The following ENTPD1 variants were observed in gnomAD, a reference collection of about 807,000 sequenced individuals.
The protein encoded by ENTPD1 is ectonucleoside triphosphate diphosphohydrolase 1.
In ENTPD1, 33 loss-of-function variants were observed where a neutral mutation model predicts 57.0. The observed-to-expected ratio is 0.58, with a 90% CI of 0.44 to 0.77. The LOEUF is 0.77. ENTPD1 is among the 30% of genes least tolerant of loss of function. The probability of loss-of-function intolerance (pLI) is 0.00; values close to 1 mark genes in which losing one functional copy is unlikely to be tolerated. For missense variants in ENTPD1, 501 were observed against 603.4 expected, an observed-to-expected ratio of 0.83 and a Z score of 1.78; for synonymous variants, 202 against 218.8, an observed-to-expected ratio of 0.92 and a Z score of 0.68.
the ENTPD1 span, among the ~76,000 whole-genome samples, chr10:95,702,611 A>G: frequency 6.6e-6 from 1 of 152,220 alleles, no homozygotes; most frequent in Admixed American, 6.5e-5. Flanking sequence ...ATATTTTCCC[A>G]AATAAATGAA....
In ENTPD1 at chr10:95,823,263, A is replaced by G; in HGVS notation, c.43A>G (p.Lys15Glu). 1 of 1,614,200 alleles carries G rather than the reference A, an allele frequency of 6.2e-7. No individual in the cohort carries two copies. The highest frequency in any genetic ancestry group is 8.5e-7 in the Non-Finnish European group (1 of 1,180,018). Residue 15 changes from lysine to glutamate, a missense_variant, in exon 2 of 10, where the codon AAG becomes GAG. By Grantham distance (56) the Lys-to-Glu change is moderately conservative. Coordinates refer to ENST00000371205, the MANE Select transcript of ENTPD1 (RefSeq NM_001776.6). ...KESNVKTFCS[K>E]NILAILGFSS... is the part of the protein sequence containing the mutation. Reference sequence around the variant, plus strand: ...GTCTAACGTGAAGACATTTTGCTCCAAGAATATCCTAGCCATCCTTGGCTT... The same window carrying G: ...GTCTAACGTGAAGACATTTTGCTCCGAGAATATCCTAGCCATCCTTGGCTT...
intron 4 of ENTPD1, chr10:95,843,365 T>C (rs1334857916): frequency 6.6e-6 from 1 of 152,124 alleles, no homozygotes; most frequent in Non-Finnish European, 1.5e-5. Context: ...AGAAGATAGG[T>C]AAGTAGTGTA....
chr10:95,695,237 A>T, the ENTPD1 span, among the ~76,000 whole-genome samples: 8 of 152,140 alleles, frequency 5.3e-5, no homozygotes, highest in Non-Finnish European at 5.9e-5. Flanking sequence ...AATTAATTCA[A>T]AGTTAACCAC....
At chr10:95,812,619 CA>C (rs2098312745) in intron 1 of ENTPD1, among the ~76,000 whole-genome samples, 1 of 152,188 alleles carries the variant, frequency 6.6e-6, no homozygotes, top group South Asian at 2.1e-4. Context: ...TGGGATTGCT[CA>C]ATTTTATGGT....
At chr10:95,800,800 A>C (rs965440889) in intron 1 of ENTPD1, among the ~76,000 whole-genome samples, 1 of 152,166 alleles carries the variant, frequency 6.6e-6, no homozygotes, top group African/African-American at 2.4e-5. Flanking sequence ...GTTCCCTGAA[A>C]ATAGCTGTTA....
chr10:95,793,493 G>A (rs976485358), intron 1 of ENTPD1, among the ~76,000 whole-genome samples: 7 of 152,070 alleles, frequency 4.6e-5, no homozygotes, highest in South Asian at 2.1e-4. Flanking sequence ...CTTCTCATCC[G>A]CCATTAATTA....
At chr10:95,786,184 T>A (rs969582187) in intron 1 of ENTPD1, among the ~76,000 whole-genome samples, 2 of 152,192 alleles carry the variant, frequency 1.3e-5, no homozygotes, top group Non-Finnish European at 2.9e-5. Context: ...TAGGGATGGT[T>A]TGCCCCTCCC....
intron 1 of ENTPD1, among the ~76,000 whole-genome samples, chr10:95,771,724 A>T (rs2098116468): frequency 6.6e-6 from 1 of 152,164 alleles, no homozygotes; most frequent in Non-Finnish European, 1.5e-5. Context: ...GTCCTTTTTC[A>T]TGAGAGAAGA....
Position 95,783,019 on chromosome 10 carries a change from C to T in ENTPD1, c.16+26764C>T, listed in dbSNP as rs562098940. 1.3e-4 allele frequency among the ~76,000 whole-genome samples: 19 copies of T among 151,914 alleles called. No individual in the cohort carries two copies. The South Asian group carries it at 1.9e-3, about 15-fold the overall frequency. On this transcript the variant is annotated intron_variant, in intron 1 of 9. Transcript: ENST00000371205. ...CTTTTGCACACCTATAAAATGGAAG[C>T]GGTGTGTGTGTGTGTTTGTGTGTGT...
chr10:95,783,692 C>G (rs1355435316), intron 1 of ENTPD1, among the ~76,000 whole-genome samples: 2 of 150,162 alleles, frequency 1.3e-5, no homozygotes, highest in Non-Finnish European at 3.0e-5. Flanking sequence ...TAGGCCTGCT[C>G]TATTTCACAG....
intron 1 of ENTPD1, chr10:95,756,499 TATCA>T: frequency 1.9e-6 from 1 of 526,248 alleles, no homozygotes; most frequent in Non-Finnish European, 3.4e-6. Context: ...GAATATTCAT[TATCA>T]ATTTGTATTC....
At chr10:95,835,185 G>A (rs1161165295) in intron 2 of ENTPD1, among the ~76,000 whole-genome samples, 1 of 152,176 alleles carries the variant, frequency 6.6e-6, no homozygotes, top group Admixed American at 6.6e-5. Flanking sequence ...ATAAGAATAT[G>A]CAGTATTTGG....
chr10:95,773,117 C>G (rs1297112256), intron 1 of ENTPD1, among the ~76,000 whole-genome samples: 1 of 152,066 alleles, frequency 6.6e-6, no homozygotes, highest in Non-Finnish European at 1.5e-5. Flanking sequence ...CAACCGCTCT[C>G]ATGGGAACGA....
At chr10:95,785,741 C>T (rs1167114144) in intron 1 of ENTPD1, among the ~76,000 whole-genome samples, 2 of 152,298 alleles carry the variant, frequency 1.3e-5, no homozygotes, top group East Asian at 3.9e-4. Context: ...ACAGGCTTGT[C>T]CTCAAATTCC....
intron 4 of ENTPD1, among the ~76,000 whole-genome samples, chr10:95,843,876 T>C (rs1276828293): frequency 6.6e-6 from 1 of 152,202 alleles, no homozygotes; most frequent in African/African-American, 2.4e-5. Flanking sequence ...AGCAATTGCA[T>C]CCCATCTTCA....
chr10:95,720,994 T>C (rs1184428904), intron 1 of ENTPD1, among the ~76,000 whole-genome samples: 1 of 152,158 alleles, frequency 6.6e-6, no homozygotes, highest in East Asian at 1.9e-4. Flanking sequence ...CCAAGTTCAA[T>C]AGGGTTTTTT....
chr10:95,869,463 T>C lies in ENTPD1; in HGVS notation c.*3080T>C. On this transcript the variant is annotated 3_prime_UTR_variant, in exon 10 of 10. Transcript: ENST00000371205. ...CAGGGTTTCACCATGTTGGCCAGGC[T>C]GGTCTCCAACTCCCAATCTCAGGTG... 6.1e-6 allele frequency: 5 copies of C among 817,198 alleles called. No homozygotes were observed. Among genetic ancestry groups the C allele is most frequent in the Non-Finnish European group, 7.4e-6 (5 of 676,802 alleles). The allele number at this position is 817,198 out of a possible 1,614,324, so 50.6% of individuals were successfully genotyped here. A position where few individuals can be genotyped will look rare whatever the true frequency, so the allele number is the denominator to read the frequency against.
chr10:95,719,009 C>T (rs2097974587), intron 1 of ENTPD1, among the ~76,000 whole-genome samples: 1 of 152,184 alleles, frequency 6.6e-6, no homozygotes. Context: ...AAATGGTTGC[C>T]TGACAGCCAC....
At chr10:95,730,735 A>G (rs536113677) in intron 1 of ENTPD1, among the ~76,000 whole-genome samples, 3 of 152,354 alleles carry the variant, frequency 2.0e-5, no homozygotes, top group African/African-American at 7.2e-5. Context: ...TGAAAAACAC[A>G]ATGAAACAAA....
Sources: allele counts gnomAD v4.1 joint callset (sites outside exome capture counted in the v4.1 genomes callset), GRCh38; gene constraint gnomAD v4.1.1; transcripts MANE v1.5; gene names NCBI Gene and HGNC (gene_info 2026-07-23, HGNC 2026-07-21).